AFDN: variants seen among roughly 807,000 people sequenced by gnomAD.
AFDN encodes the protein afadin.
AFDN carries 68 observed loss-of-function variants against 216.6 expected under a neutral mutation model. That is an observed-to-expected ratio of 0.31 (90% CI 0.26 to 0.38). The LOEUF (loss-of-function observed/expected upper bound fraction) is 0.38. Ranked by LOEUF, AFDN falls within the 10% of genes least tolerant of loss-of-function variation. The probability of loss-of-function intolerance (pLI) is 1.00; values close to 1 mark genes in which losing one functional copy is unlikely to be tolerated. For synonymous variants in AFDN, 868 were observed against 853.7 expected, an observed-to-expected ratio of 1.02 and a Z score of -0.29; for missense variants, 2,136 against 2,342.0, an observed-to-expected ratio of 0.91 and a Z score of 1.82.
intron 7 of AFDN, among the ~76,000 whole-genome samples, chr6:167,890,600 G>A (rs1787440206): frequency 6.6e-6 from 1 of 150,924 alleles, no homozygotes; most frequent in African/African-American, 2.4e-5. Context: ...TTTTTTTCAA[G>A]CTTATGATGT....
chr6:167,910,261 C>G (rs1328336411), intron 13 of AFDN, among the ~76,000 whole-genome samples: 1 of 152,136 alleles, frequency 6.6e-6, no homozygotes, highest in African/African-American at 2.4e-5. Flanking sequence ...AATGTGTATT[C>G]AACTGAAAGA....
chr6:167,911,026 A>C lies in AFDN; in HGVS notation c.1770-75A>C, dbSNP rs1790314011. On this transcript the variant is annotated intron_variant, in intron 13 of 33. Transcript: ENST00000683244. ...ATATAGATTTAAAAAGTAGTTGCAG[A>C]AATCTACACAGGTTGTCAGTAATAT... 4.8e-6 allele frequency: 6 copies of C among 1,248,034 alleles called. No individual in the cohort carries two copies. The South Asian group carries it at 7.7e-5, about 16-fold the overall frequency. 77.3% of individuals were successfully genotyped at this position (1,248,034 alleles called of 1,614,324 possible).
At chr6:167,956,136 A>C (rs1271703043) in intron 30 of AFDN, among the ~76,000 whole-genome samples, 3 of 151,144 alleles carry the variant, frequency 2.0e-5, no homozygotes, top group Non-Finnish European at 4.4e-5. Flanking sequence ...AAAAAAAAAA[A>C]AAAACTATAG....
chr6:167,835,343 C>G (rs1025088622), intron 1 of AFDN, among the ~76,000 whole-genome samples: 1 of 152,206 alleles, frequency 6.6e-6, no homozygotes, highest in South Asian at 2.1e-4. Flanking sequence ...TGTCAAATAT[C>G]TAAGCCTAAA....
intron 1 of AFDN, among the ~76,000 whole-genome samples, chr6:167,854,442 G>A (rs1782672201): frequency 6.6e-6 from 1 of 151,932 alleles, no homozygotes; most frequent in African/African-American, 2.4e-5. Context: ...TGATATCAAA[G>A]TTTTACATTG....
Position 167,943,419 on chromosome 6 carries a change from A to G in AFDN, c.3183A>G (p.Ala1061=). 4 of 1,614,120 alleles carry G rather than the reference A, an allele frequency of 2.5e-6. No individual in the cohort carries two copies. The highest frequency in any genetic ancestry group is 3.4e-6 in the Non-Finnish European group (4 of 1,179,924). Residue 1061 remains alanine (A), a synonymous_variant, in exon 25 of 34, where the codon GCA becomes GCG. Coordinates refer to ENST00000683244, the MANE Select transcript of AFDN (RefSeq NM_001386888.1). ...TTGCCTAGGATGGACGTCTAGCTGC[A>G]GGTGATCAGCTCCTCAGTGTGGATG... The part of the protein sequence containing the change: ...GAADVDGRLA[A]GDQLLSVDGR...
At chr6:167,859,004 C>T (rs1295711699) in intron 1 of AFDN, among the ~76,000 whole-genome samples, 2 of 149,796 alleles carry the variant, frequency 1.3e-5, no homozygotes, top group African/African-American at 2.5e-5. Context: ...GCTAGGAAGA[C>T]GGTTTCTTGG....
chr6:167,925,405 A>G (rs772838628), intron 23 of AFDN, among the ~76,000 whole-genome samples: 3 of 152,172 alleles, frequency 2.0e-5, no homozygotes, highest in Non-Finnish European at 4.4e-5. Flanking sequence ...GAGAGAAAGC[A>G]TTGCTACAGT....
intron 1 of AFDN, among the ~76,000 whole-genome samples, chr6:167,831,528 G>A (rs1376363312): frequency 3.3e-5 from 5 of 152,122 alleles, no homozygotes; most frequent in African/African-American, 1.2e-4. Context: ...ATCTAGGCTA[G>A]TTTCAATTTG....
intron 21 of AFDN, among the ~76,000 whole-genome samples, chr6:167,920,418 T>G (rs975091614): frequency 1.7e-4 from 26 of 152,176 alleles, no homozygotes; most frequent in Admixed American, 1.4e-3. Context: ...ACCACGGGAC[T>G]GCTGAGAAGT....
At chr6:167,869,885 G>A (rs904901286) in intron 2 of AFDN, among the ~76,000 whole-genome samples, 2 of 152,198 alleles carry the variant, frequency 1.3e-5, no homozygotes, top group Non-Finnish European at 2.9e-5. Flanking sequence ...ACAAGGATCA[G>A]ATGCACAGAG....
At position 167,965,750 on chromosome 6, in the gene AFDN, C is replaced by G; in HGVS notation, c.4969-7C>G. On this transcript the variant is annotated splice_polypyrimidine_tract_variant and splice_region_variant and intron_variant, in intron 31 of 33. Coordinates refer to ENST00000683244, the MANE Select transcript of AFDN (RefSeq NM_001386888.1). ...ACCTTTGCACTCTTGTCTATTCCCG[C>G]CCGCAGAGGCGACAGGAAGAAGGGT... The G allele has an allele frequency of 6.6e-7, 1 of 1,526,262 alleles. No homozygotes were observed. The highest frequency in any genetic ancestry group is 8.8e-7 in the Non-Finnish European group (1 of 1,137,804). 94.5% of individuals were successfully genotyped at this position (1,526,262 alleles called of 1,614,324 possible). A position where few individuals can be genotyped will look rare whatever the true frequency, so the allele number is the denominator to read the frequency against.
chr6:167,952,002 C>A lies in AFDN; in HGVS notation c.4648C>A (p.Leu1550Ile). ...VDMLSKEIQE[L>I]QSKPDRSAEE... ...CATGCTGAGCAAGGAGATCCAGGAGCTCCAGAGCAAACCGGACCGCAGCGC... is the reference window on the plus strand; with the variant it reads ...CATGCTGAGCAAGGAGATCCAGGAGATCCAGAGCAAACCGGACCGCAGCGC... The change falls in exon 30 of 34, where the codon CTC (leucine) becomes ATC (isoleucine). Residue 1550 changes from leucine to isoleucine, a missense_variant. Physicochemically the swap from Leu to Ile is conservative, Grantham distance 5. This residue lies in a region of AFDN where 981 missense variants were observed against 966.0 expected (regional missense o/e 1.02). Transcript: ENST00000683244. The A allele has an allele frequency of 6.2e-7, 1 of 1,614,186 alleles. No homozygotes were observed. Among genetic ancestry groups the A allele is most frequent in the Non-Finnish European group, 8.5e-7 (1 of 1,180,038 alleles).
intron 22 of AFDN, among the ~76,000 whole-genome samples, chr6:167,923,858 C>G (rs1343712922): frequency 6.6e-6 from 1 of 152,006 alleles, no homozygotes; most frequent in African/African-American, 2.4e-5. Context: ...CTCCTGACCT[C>G]AAATGATTCG....
In AFDN at chr6:167,962,027, G is replaced by A. The variant is rs988127110; in HGVS notation, c.4834-406G>A. On this transcript the variant is annotated intron_variant, in intron 30 of 33. Transcript: ENST00000683244. The surrounding 1 kb of genome is among the most constrained non-coding windows in gnomAD (Gnocchi z 5.2). ...AGATATTCGTAGTGGAAATTAAAAA[G>A]GGAGAGGAGAAAGGAGGTGTTTCAG... Among the ~76,000 whole-genome samples, 2 of 152,192 alleles carry A rather than the reference G, an allele frequency of 1.3e-5. No homozygotes were observed. The highest frequency in any genetic ancestry group is 4.8e-5 in the African/African-American group (2 of 41,444).
chr6:167,913,533 C>A, intron 16 of AFDN, 110 bp downstream of exon 16: 2 of 998,366 alleles, frequency 2.0e-6, no homozygotes, highest in Non-Finnish European at 1.5e-6. Context: ...GCTCATAACA[C>A]TCATTCAGCA....
At chr6:167,963,400 C>T in intron 31 of AFDN, 1 of 1,056,258 alleles carries the variant, frequency 9.5e-7, no homozygotes, top group Non-Finnish European at 1.1e-6. Flanking sequence ...TTCAGTGTTA[C>T]AACTTCTGAT....
At chr6:167,885,825 G>T (rs1196180266) in intron 6 of AFDN, among the ~76,000 whole-genome samples, 9 of 152,188 alleles carry the variant, frequency 5.9e-5, no homozygotes, top group Admixed American at 4.6e-4. Flanking sequence ...AAGCAACAAG[G>T]TATGCCTGTA....
chr6:167,917,056 G>A (rs992646409), intron 19 of AFDN, 33 bp from the exon 20 acceptor site: 4 of 1,590,672 alleles, frequency 2.5e-6, no homozygotes, highest in Middle Eastern at 1.7e-4. Flanking sequence ...CTTTACAAGT[G>A]TGATATTTTA....
Sources: gnomAD v4.1 joint callset for allele counts (sites outside exome capture counted in the v4.1 genomes callset) on GRCh38, gnomAD v4.1.1 for gene constraint, gnomAD v4.1.1 regional missense constraint, Gnocchi (gnomAD v3.1) non-coding constraint, MANE v1.5 for transcripts, NCBI Gene and HGNC (gene_info 2026-07-23, HGNC 2026-07-21) for gene names.